RGS7BP: variants seen among roughly 807,000 people sequenced by gnomAD.
RGS7BP encodes regulator of G protein signaling 7-binding protein.
RGS7BP carries 9 observed loss-of-function variants against 31.3 expected under a neutral mutation model. The ratio of observed to expected loss-of-function variants is 0.29; its 90% CI spans 0.17 to 0.50. The LOEUF is 0.50. Ranked by LOEUF, RGS7BP falls within the 20% of genes least tolerant of loss-of-function variation. RGS7BP has a pLI of 0.98. For missense variants in RGS7BP, 274 were observed against 322.0 expected (o/e 0.85, Z 1.14); for synonymous variants, 115 against 120.1 (o/e 0.96, Z 0.28).
intron 2 of RGS7BP, among the ~76,000 whole-genome samples, chr5:64,524,060 T>G (rs1193366468): frequency 6.6e-6 from 1 of 152,198 alleles, no homozygotes; most frequent in Non-Finnish European, 1.5e-5. Flanking sequence ...CTTCTTAACC[T>G]ACTTTCATGT....
chr5:64,531,748 A>T (rs868008620), intron 2 of RGS7BP, among the ~76,000 whole-genome samples: 1 of 152,192 alleles, frequency 6.6e-6, no homozygotes, highest in South Asian at 2.1e-4. Flanking sequence ...GTGCACATGT[A>T]TGGTAGGCTT....
At chr5:64,563,832 G>A (rs1336917901) in intron 2 of RGS7BP, among the ~76,000 whole-genome samples, 1 of 152,156 alleles carries the variant, frequency 6.6e-6, no homozygotes, top group East Asian at 1.9e-4. Context: ...TAAGTCTGTC[G>A]TGTTTCTTTG....
chr5:64,587,779 C>A (rs577268852), intron 3 of RGS7BP, among the ~76,000 whole-genome samples: 1 of 152,174 alleles, frequency 6.6e-6, no homozygotes, highest in Non-Finnish European at 1.5e-5. Context: ...AGAGCAGGCA[C>A]AGGGCCAAAA....
rs116114445 is a variant in RGS7BP, at chr5:64,508,872, T to C, written c.332+995T>C. Among the ~76,000 whole-genome samples, 1,219 of 152,288 alleles carry C rather than the reference T, an allele frequency of 8.0e-3. 17 individuals are homozygous for C. The highest frequency in any genetic ancestry group is 0.027 in the African/African-American group (1,103 of 41,560). On this transcript the variant is annotated intron_variant, in intron 2 of 5. Coordinates refer to ENST00000334025, the MANE Select transcript of RGS7BP (RefSeq NM_001029875.3). Reference sequence around the variant, plus strand: ...AAGAATCACTGTTTGCCATCTTTAATTCCAATAATATGTATAGTGATTATA... The same window carrying C: ...AAGAATCACTGTTTGCCATCTTTAACTCCAATAATATGTATAGTGATTATA...
At chr5:64,540,523 T>C (rs1347062006) in intron 2 of RGS7BP, among the ~76,000 whole-genome samples, 1 of 152,218 alleles carries the variant, frequency 6.6e-6, no homozygotes, top group African/African-American at 2.4e-5. Flanking sequence ...ATGTGTCAAA[T>C]AATCCTACAT....
At chr5:64,520,359 C>T (rs995834356) in intron 2 of RGS7BP, among the ~76,000 whole-genome samples, 5 of 152,148 alleles carry the variant, frequency 3.3e-5, no homozygotes, top group Non-Finnish European at 5.9e-5. Context: ...AGCCAGCACA[C>T]AGCCGATTTG....
intron 2 of RGS7BP, among the ~76,000 whole-genome samples, chr5:64,565,143 T>C (rs1742139711): frequency 6.6e-6 from 1 of 152,106 alleles, no homozygotes; most frequent in Admixed American, 6.6e-5. Context: ...TTATTATGAA[T>C]AACTTCACTC....
chr5:64,542,436 G>T (rs1208367719), intron 2 of RGS7BP, among the ~76,000 whole-genome samples: 1 of 152,092 alleles, frequency 6.6e-6, no homozygotes, highest in Non-Finnish European at 1.5e-5. Context: ...ATGCTTACAG[G>T]ACTACCTCCC....
In RGS7BP at chr5:64,612,164, A is replaced by G. The variant is rs1743522221; in HGVS notation, c.*2912A>G. 1 of 138,116 alleles carries G rather than the reference A, an allele frequency of 7.2e-6. No individual in the cohort carries two copies. The highest frequency in any genetic ancestry group is 1.6e-5 in the Non-Finnish European group (1 of 61,794). The allele number at this position is 138,116 out of a possible 1,614,324, so 8.6% of individuals were successfully genotyped here. A position where few individuals can be genotyped will look rare whatever the true frequency, so the allele number is the denominator to read the frequency against. ...TACTACCAAATAGAAAATAAAAATC[A>G]CCTGAATTCCACCACGACCACATTG... On this transcript the variant is annotated 3_prime_UTR_variant, in exon 6 of 6. Coordinates refer to ENST00000334025, the MANE Select transcript of RGS7BP (RefSeq NM_001029875.3).
chr5:64,552,580 G>A (rs1741822010), intron 2 of RGS7BP, among the ~76,000 whole-genome samples: 1 of 152,122 alleles, frequency 6.6e-6, no homozygotes, highest in Non-Finnish European at 1.5e-5. Context: ...TGAAATAAGT[G>A]TTTGTCCTGA....
Position 64,514,849 on chromosome 5 carries a change from A to C in RGS7BP, c.332+6972A>C, listed in dbSNP as rs865867449. On this transcript the variant is annotated intron_variant, in intron 2 of 5. Transcript: ENST00000334025. ...AAGGTTCTAACTCACACCAGATTAA[A>C]GAAGAGTGCTATTATTAGCAACTTG... Among the ~76,000 whole-genome samples the C allele has an allele frequency of 2.6e-5, 4 of 152,334 alleles. No homozygotes were observed. In the South Asian group the frequency reaches 8.3e-4, roughly 32 times the overall value.
intron 2 of RGS7BP, among the ~76,000 whole-genome samples, chr5:64,512,674 A>G (rs1748870665): frequency 6.6e-6 from 1 of 152,248 alleles, no homozygotes; most frequent in South Asian, 2.1e-4. Flanking sequence ...ACATTTATAT[A>G]AAAAGTTAAT....
rs542252038 is a variant in RGS7BP, at chr5:64,553,171, C to CTTTTTTTTT, written c.333-22592_333-22584dup. Among the ~76,000 whole-genome samples the CTTTTTTTTT allele has an allele frequency of 8.6e-4, 102 of 118,158 alleles. 1 individual carries two copies. The highest frequency in any genetic ancestry group is 5.7e-3 in the Middle Eastern group (1 of 174). The allele number at this position is 118,158 out of a possible 152,430, so 77.5% of individuals were successfully genotyped here. On this transcript the variant is annotated intron_variant, in intron 2 of 5. Transcript: ENST00000334025. Reference sequence around the variant, plus strand: ...TAGGACTTCCTTCCTTTCTTTCTTTCTTTTTTTTTTTTTTTTTTTGAAACG... The same window carrying CTTTTTTTTT: ...TAGGACTTCCTTCCTTTCTTTCTTTCTTTTTTTTTTTTTTTTTTTTTTTTTTTTGAAACG...
At chr5:64,548,926 T>G (rs1225213840) in intron 2 of RGS7BP, among the ~76,000 whole-genome samples, 1 of 151,730 alleles carries the variant, frequency 6.6e-6, no homozygotes, top group Non-Finnish European at 1.5e-5. Context: ...ACATTGTGGG[T>G]TAGGACTTCA....
At chr5:64,594,537 A>T (rs1448429121) in intron 3 of RGS7BP, among the ~76,000 whole-genome samples, 173 bp from the exon 4 acceptor site, 1 of 152,170 alleles carries the variant, frequency 6.6e-6, no homozygotes, top group Non-Finnish European at 1.5e-5. Flanking sequence ...ACACACAAAC[A>T]CACATACTCA....
intron 2 of RGS7BP, among the ~76,000 whole-genome samples, chr5:64,531,330 A>G (rs1424584465): frequency 6.6e-6 from 1 of 152,252 alleles, no homozygotes; most frequent in Non-Finnish European, 1.5e-5. Flanking sequence ...AAGCTATTTT[A>G]AAAAGAATAC....
At chr5:64,522,167 C>T (rs773836868) in intron 2 of RGS7BP, among the ~76,000 whole-genome samples, 2 of 152,106 alleles carry the variant, frequency 1.3e-5, no homozygotes, top group Non-Finnish European at 2.9e-5. Context: ...CATAATTTGG[C>T]AATGTGTAGT....
At chr5:64,566,148 G>A (rs1742164080) in intron 2 of RGS7BP, among the ~76,000 whole-genome samples, 1 of 151,560 alleles carries the variant, frequency 6.6e-6, no homozygotes, top group Non-Finnish European at 1.5e-5. Flanking sequence ...CATAGTAGAA[G>A]CTCTCTGTTT....
At chr5:64,576,880 T>C (rs2111902814) in intron 3 of RGS7BP, among the ~76,000 whole-genome samples, 1 of 152,252 alleles carries the variant, frequency 6.6e-6, no homozygotes, top group East Asian at 1.9e-4. Flanking sequence ...TAGAATACAG[T>C]GTTTTTGTGC....
Sources: allele counts gnomAD v4.1 joint callset (sites outside exome capture counted in the v4.1 genomes callset), GRCh38; gene constraint gnomAD v4.1.1; transcripts MANE v1.5; gene names NCBI Gene and HGNC (gene_info 2026-07-23, HGNC 2026-07-21).